The following PRDM10 variants were observed in gnomAD, a reference collection of about 807,000 sequenced individuals.
PRDM10 encodes PR domain zinc finger protein 10.
Under a neutral mutation model 133.1 loss-of-function variants are expected in PRDM10, and 65 were observed. The observed-to-expected ratio is 0.49, with a 90% CI of 0.40 to 0.60. The LOEUF (loss-of-function observed/expected upper bound fraction) is 0.60. Ranked by LOEUF, PRDM10 falls within the 20% of genes least tolerant of loss-of-function variation. The pLI is 0.00. For missense variants in PRDM10, 1,137 were observed against 1,507.1 expected (o/e 0.75, Z 4.07); for synonymous variants, 582 against 580.4 (o/e 1.00, Z -0.04).
chr11:129,931,042 C>A lies in PRDM10; in HGVS notation c.1504G>T (p.Asp502Tyr), dbSNP rs970641212. Residue 502 changes from aspartate to tyrosine, a missense_variant, in exon 11 of 21, where the codon GAC becomes TAC. Around this residue, in one of 6 missense-constraint regions of PRDM10, gnomAD observed 635 missense variants for 835.2 expected, o/e 0.76. Coordinates refer to ENST00000360871, the MANE Select transcript of PRDM10 (RefSeq NM_199437.2). ...VPTQSTLTAD[D>Y]MRRAKRIRNA... Reference sequence around the variant, plus strand: ...CGGATGCGCTTGGCTCTGCGCATGTCGTCGGCTGTCAGCGTGCTCTGGGTG... The same window carrying A: ...CGGATGCGCTTGGCTCTGCGCATGTAGTCGGCTGTCAGCGTGCTCTGGGTG... 1.9e-6 allele frequency: 3 copies of A among 1,613,614 alleles called. No homozygotes were observed. Among genetic ancestry groups the A allele is most frequent in the Admixed American group, 3.3e-5 (2 of 60,006 alleles).
Position 129,918,475 on chromosome 11 carries a change from C to A in PRDM10, c.2214+64G>T. On this transcript the variant is annotated intron_variant, in intron 14 of 20. Coordinates refer to ENST00000360871, the MANE Select transcript of PRDM10 (RefSeq NM_199437.2). The surrounding 1 kb of genome is among the most constrained non-coding windows in gnomAD (Gnocchi z 5.3). ...AGGACACAATGCAACACAAACGTCA[C>A]CATCATCGACAGCAATGAGGTATGC... is the stretch of plus-strand genomic sequence containing the variant. 6.5e-7 allele frequency: 1 copy of A among 1,538,410 alleles called. No homozygotes were observed. Among genetic ancestry groups the A allele is most frequent in the Non-Finnish European group, 8.8e-7 (1 of 1,136,014 alleles).
chr11:129,960,819 C>A, intron 2 of PRDM10, 77 bp downstream of exon 2: 2 of 1,448,068 alleles, frequency 1.4e-6, no homozygotes, highest in Non-Finnish European at 1.9e-6. Flanking sequence ...TAGATAGCAG[C>A]TGTATTTCTT....
At chr11:129,922,785 T>G (rs886929470) in intron 13 of PRDM10, among the ~76,000 whole-genome samples, 2 of 152,232 alleles carry the variant, frequency 1.3e-5, no homozygotes, top group Non-Finnish European at 2.9e-5. Flanking sequence ...ATCTTTGAGG[T>G]CATTAACATT....
chr11:129,931,311 T>A (rs1950851148), intron 10 of PRDM10, 53 bp from the exon 11 acceptor site: 1 of 1,557,484 alleles, frequency 6.4e-7, no homozygotes, highest in Non-Finnish European at 8.7e-7. Flanking sequence ...GACTGTCAGC[T>A]CAGATTTAGA....
chr11:129,957,837 T>C lies in PRDM10; in HGVS notation c.143A>G (p.Gln48Arg). 1 of 1,614,218 alleles carries C rather than the reference T, an allele frequency of 6.2e-7. No individual in the cohort carries two copies. Among genetic ancestry groups the C allele is most frequent in the South Asian group, 1.1e-5 (1 of 91,086 alleles). Residue 48 changes from glutamine to arginine, a missense_variant, in exon 3 of 21, where the codon CAG becomes CGG. By Grantham distance (43) the Gln-to-Arg change is conservative. Transcript: ENST00000360871. ...GGCACCATCTGCCGTGTACACCACC[T>C]GCTGTGGGGGGCGAACCTGGTCATC... is the stretch of plus-strand genomic sequence containing the variant. ...YTDDQVRPPQ[Q>R]VVYTADGASY...
rs1442088351 is a variant in PRDM10, at chr11:129,935,127, A to G, written c.1131T>C (p.His377=). ...SEQLQQHLNS[H]DEKLDVFSRT... ...TGCTAAACACATCTAGTTTCTCATCATGAGAATTGAGATGCTGTTGCAACT... is the reference window on the plus strand; with the variant it reads ...TGCTAAACACATCTAGTTTCTCATCGTGAGAATTGAGATGCTGTTGCAACT... The change falls in exon 9 of 21, where the codon CAT becomes CAC. Residue 377 remains histidine (H), a synonymous_variant. Coordinates refer to ENST00000360871, the MANE Select transcript of PRDM10 (RefSeq NM_199437.2). The G allele has an allele frequency of 1.9e-6, 3 of 1,613,932 alleles. No individual in the cohort carries two copies. The highest frequency in any genetic ancestry group is 1.7e-5 in the Admixed American group (1 of 60,030).
At position 129,947,291 on chromosome 11, in the gene PRDM10, G is replaced by T. The variant is rs772692459; in HGVS notation, c.374C>A (p.Thr125Asn). 2 of 1,614,108 alleles carry T rather than the reference G, an allele frequency of 1.2e-6. No homozygotes were observed. Among genetic ancestry groups the T allele is most frequent in the Non-Finnish European group, 1.7e-6 (2 of 1,180,016 alleles). Reference sequence around the variant, plus strand: ...TTTGGCCTCCAGTCTGCCTAGAGGGGTCTGCAGAGTTGCCAAAGGGTCGGA... The same window carrying T: ...TTTGGCCTCCAGTCTGCCTAGAGGGTTCTGCAGAGTTGCCAAAGGGTCGGA... ...DGSDPLATLQ[T>N]PLGRLEAKEE... Residue 125 changes from threonine to asparagine, a missense_variant, in exon 5 of 21, where the codon ACC becomes AAC. Around this residue, in one of 6 missense-constraint regions of PRDM10, gnomAD observed 635 missense variants for 835.2 expected, o/e 0.76. Coordinates refer to ENST00000360871, the MANE Select transcript of PRDM10 (RefSeq NM_199437.2). The surrounding 1 kb of genome is among the most constrained non-coding windows in gnomAD (Gnocchi z 4.6).
intron 1 of PRDM10, among the ~76,000 whole-genome samples, chr11:129,966,703 T>G (rs1002274358): frequency 6.6e-6 from 1 of 152,300 alleles, no homozygotes; most frequent in Admixed American, 6.5e-5. Context: ...AGCTGCATGA[T>G]GTGTTGTTAT....
intron 18 of PRDM10, 41 bp downstream of exon 18, chr11:129,912,044 A>G: frequency 6.6e-7 from 1 of 1,524,444 alleles, no homozygotes. Context: ...TAATCCCTGA[A>G]GCCATGATAA....
intron 1 of PRDM10, among the ~76,000 whole-genome samples, chr11:130,002,052 C>T (rs1369690084): frequency 6.6e-6 from 1 of 151,572 alleles, no homozygotes; most frequent in African/African-American, 2.4e-5. Flanking sequence ...GCAGACAAAG[C>T]TGGGCGCCCC....
intron 4 of PRDM10, among the ~76,000 whole-genome samples, chr11:129,949,292 A>T (rs558428937): frequency 6.6e-6 from 1 of 152,328 alleles, no homozygotes; most frequent in South Asian, 2.1e-4. Context: ...CTTTGTCTGT[A>T]AAATGGACAC....
At chr11:129,986,190 T>G (rs1938432877) in intron 1 of PRDM10, among the ~76,000 whole-genome samples, 1 of 151,400 alleles carries the variant, frequency 6.6e-6, no homozygotes, top group Non-Finnish European at 1.5e-5. Context: ...TAGTGCTCCC[T>G]TGTGTAGCAG....
chr11:129,971,227 G>A (rs1404389558), intron 1 of PRDM10, among the ~76,000 whole-genome samples: 1 of 152,142 alleles, frequency 6.6e-6, no homozygotes, highest in Non-Finnish European at 1.5e-5. Flanking sequence ...AAAGAACAAA[G>A]CTCCCACGGT....
Position 129,935,206 on chromosome 11 carries a change from T to G in PRDM10, c.1052A>C (p.Gln351Pro). 6.2e-7 allele frequency: 1 copy of G among 1,613,626 alleles called. No homozygotes were observed. The highest frequency in any genetic ancestry group is 2.2e-5 in the East Asian group (1 of 44,862). Reference protein sequence around the residue: ...SEEERKVLREQEKNWPCYECN... With the variant: ...SEEERKVLREPEKNWPCYECN... ...TTCATAGCAGGGCCAATTCTTCTCT[T>G]GCTCTCGAAGAACTACAGTCACAGG... Residue 351 changes from glutamine to proline, a missense_variant, in exon 9 of 21, where the codon CAA becomes CCA. Around this residue, in one of 6 missense-constraint regions of PRDM10, gnomAD observed 635 missense variants for 835.2 expected, o/e 0.76. Coordinates refer to ENST00000360871, the MANE Select transcript of PRDM10 (RefSeq NM_199437.2).
intron 4 of PRDM10, among the ~76,000 whole-genome samples, chr11:129,948,307 C>T (rs913477528): frequency 6.6e-6 from 1 of 152,180 alleles, no homozygotes; most frequent in East Asian, 1.9e-4. Flanking sequence ...CAAGCCATGT[C>T]CTATTCAATA....
chr11:129,980,935 G>A (rs935172551), intron 1 of PRDM10, among the ~76,000 whole-genome samples: 4 of 135,364 alleles, frequency 3.0e-5, no homozygotes, highest in East Asian at 4.8e-4. Flanking sequence ...GCAGTGGCAC[G>A]ACCTTGGCTC....
intron 6 of PRDM10, among the ~76,000 whole-genome samples, chr11:129,944,563 C>G (rs1323585644): frequency 4.4e-4 from 65 of 146,608 alleles, no homozygotes; most frequent in Non-Finnish European, 2.1e-4. Flanking sequence ...CCAGCCTGGG[C>G]GACAGAGCAA....
intron 1 of PRDM10, among the ~76,000 whole-genome samples, chr11:129,996,530 T>C (rs1280374857): frequency 6.6e-6 from 1 of 152,212 alleles, no homozygotes; most frequent in Non-Finnish European, 1.5e-5. Flanking sequence ...GGGAACCGTT[T>C]TGACAGAGAC....
rs7929115 is a variant in PRDM10 at position 129,934,050 on chromosome 11, C to T, written c.1157+1051G>A. Among the ~76,000 whole-genome samples, 417 of 152,336 alleles carry T rather than the reference C, an allele frequency of 2.7e-3. 2 individuals are homozygous for T. The highest frequency in any genetic ancestry group is 9.7e-3 in the African/African-American group (402 of 41,564). ...TCCCCTTCTTCCACAGCATACGCTC[C>T]AAGGTCATCCACTGGAACCACTCCC... On this transcript the variant is annotated intron_variant, in intron 9 of 20. Coordinates refer to ENST00000360871, the MANE Select transcript of PRDM10 (RefSeq NM_199437.2).
Sources: gnomAD v4.1 joint callset for allele counts (sites outside exome capture counted in the v4.1 genomes callset) on GRCh38, gnomAD v4.1.1 for gene constraint, gnomAD v4.1.1 regional missense constraint, Gnocchi (gnomAD v3.1) non-coding constraint, MANE v1.5 for transcripts, NCBI Gene and HGNC (gene_info 2026-07-23, HGNC 2026-07-21) for gene names.